CSNK1A1: variants seen among roughly 807,000 people sequenced by gnomAD.
CSNK1A1 encodes the protein casein kinase I isoform alpha.
CSNK1A1 carries 7 observed loss-of-function variants against 46.1 expected under a neutral mutation model. The ratio of observed to expected loss-of-function variants is 0.15; its 90% CI spans 0.09 to 0.29. CSNK1A1 has a LOEUF of 0.29. CSNK1A1 is among the 10% of genes least tolerant of loss of function. The pLI is 1.00. For missense variants in CSNK1A1, 96 were observed against 417.1 expected (o/e 0.23, Z 6.71); for synonymous variants, 137 against 141.5 (o/e 0.97, Z 0.23).
At chr5:149,499,967 CTTTTTTTTTTT>C (rs1162496799) in intron 9 of CSNK1A1, among the ~76,000 whole-genome samples, 20 of 77,698 alleles carry the variant, frequency 2.6e-4, no homozygotes, top group African/African-American at 8.1e-4. Context: ...TTCTTTTTTT[CTTTTTTTTTTT>C]TTTTTTTTGA....
intron 8 of CSNK1A1, 125 bp downstream of exon 8, chr5:149,506,902 T>C: frequency 4.2e-6 from 3 of 716,834 alleles, no homozygotes; most frequent in Non-Finnish European, 6.7e-6. Flanking sequence ...AATCAGTTTC[T>C]GAAACCTTTT....
chr5:149,521,778 G>C (rs1282348361), intron 3 of CSNK1A1, among the ~76,000 whole-genome samples: 1 of 151,774 alleles, frequency 6.6e-6, no homozygotes, highest in African/African-American at 2.4e-5. Flanking sequence ...CACATGCCTG[G>C]GTACTTTTTT....
At chr5:149,524,624 T>C (rs1761673723) in intron 3 of CSNK1A1, among the ~76,000 whole-genome samples, 3 of 152,166 alleles carry the variant, frequency 2.0e-5, no homozygotes, top group African/African-American at 7.2e-5. Context: ...TTATATTACT[T>C]CAGGACCTTT....
intron 2 of CSNK1A1, among the ~76,000 whole-genome samples, chr5:149,542,672 G>A (rs796529525): frequency 0.039 from 186 of 4,742 alleles, 17 homozygotes; most frequent in Middle Eastern, 0.14. Context: ...ATATATATAT[G>A]TATATATATA....
chr5:149,507,253 G>T, intron 7 of CSNK1A1, 120 bp from the exon 8 acceptor site: 1 of 700,710 alleles, frequency 1.4e-6, no homozygotes, highest in Non-Finnish European at 2.4e-6. Flanking sequence ...TTCATAGGAA[G>T]ATATGAGAGC....
At chr5:149,511,704 T>C (rs769613974) in intron 6 of CSNK1A1, 90 bp downstream of exon 6, 1 of 906,512 alleles carries the variant, frequency 1.1e-6, no homozygotes, top group Non-Finnish European at 1.7e-6. Context: ...AATCTCAGAC[T>C]TAGAAGGGAC....
chr5:149,507,006 T>G, intron 8 of CSNK1A1, 21 bp downstream of exon 8: 1 of 1,580,508 alleles, frequency 6.3e-7, no homozygotes, highest in South Asian at 1.1e-5. Flanking sequence ...TTTATAATCT[T>G]AAAATACCTT....
chr5:149,545,609 C>T, intron 2 of CSNK1A1: 2 of 841,816 alleles, frequency 2.4e-6, no homozygotes, highest in Admixed American at 1.8e-5. Flanking sequence ...GGCTTAACCT[C>T]CTTGGGCTTT....
intron 4 of CSNK1A1, among the ~76,000 whole-genome samples, chr5:149,519,767 A>G (rs1761512375): frequency 6.6e-6 from 1 of 152,208 alleles, no homozygotes; most frequent in South Asian, 2.1e-4. Context: ...CAGGCCCAAA[A>G]GTTACCCTTT....
At chr5:149,497,027 G>A in intron 9 of CSNK1A1, 167 bp from the exon 10 acceptor site, 2 of 1,426,834 alleles carry the variant, frequency 1.4e-6, no homozygotes, top group Non-Finnish European at 1.8e-6. Flanking sequence ...AGAAAAACAT[G>A]AATCTATACT....
chr5:149,517,589 A>T lies in CSNK1A1; in HGVS notation c.456+2701T>A, dbSNP rs368251857. Among the ~76,000 whole-genome samples the T allele has an allele frequency of 3.0e-4, 46 of 152,352 alleles. No individual in the cohort carries two copies. The highest frequency in any genetic ancestry group is 7.2e-4 in the African/African-American group (30 of 41,582). On this transcript the variant is annotated intron_variant, in intron 4 of 9. Transcript: ENST00000377843. The surrounding 1 kb of genome is among the most constrained non-coding windows in gnomAD (Gnocchi z 4.4). ...TTCATTTAGCTTTTTTCTAAACTTT[A>T]TAAGTTTTAAGCAAAAGCCACAAAG...
rs185875757 is a variant in CSNK1A1 at position 149,520,406 on chromosome 5, G to A, written c.358-18C>T. The A allele has an allele frequency of 3.7e-4, 529 of 1,420,014 alleles. 1 individual carries two copies. Among genetic ancestry groups the A allele is most frequent in the East Asian group, 3.2e-4 (14 of 43,806 alleles). 88.0% of individuals were successfully genotyped at this position (1,420,014 alleles called of 1,614,324 possible). On this transcript the variant is annotated intron_variant, in intron 3 of 9. Transcript: ENST00000377843. ...CTGATCATCTGGAAAAAAAAGAAGG[G>A]AGAGATAATTGAGTTAAGTAGTAAA...
chr5:149,528,138 G>A (rs1328331666), intron 2 of CSNK1A1, among the ~76,000 whole-genome samples: 1 of 152,106 alleles, frequency 6.6e-6, no homozygotes, highest in Admixed American at 6.5e-5. Flanking sequence ...AGAATTAGAT[G>A]AATTGAGAAG....
intron 3 of CSNK1A1, 114 bp from the exon 4 acceptor site, chr5:149,520,502 A>G (rs905308276): frequency 2.4e-4 from 148 of 621,608 alleles, no homozygotes; most frequent in Admixed American, 4.1e-4. Flanking sequence ...AGCGCTAAAG[A>G]AAATGAAATG....
intron 5 of CSNK1A1, among the ~76,000 whole-genome samples, chr5:149,512,533 G>A (rs1403217874): frequency 6.6e-6 from 1 of 152,080 alleles, no homozygotes; most frequent in Non-Finnish European, 1.5e-5. Context: ...AAAGGAACTC[G>A]AAACTCTAGA....
chr5:149,511,523 A>G (rs924014203), intron 6 of CSNK1A1, among the ~76,000 whole-genome samples: 7 of 152,198 alleles, frequency 4.6e-5, no homozygotes, highest in African/African-American at 1.7e-4. Context: ...TTCTTAGTCC[A>G]TGCCCACTTC....
At chr5:149,542,633 T>TATATATATAC (rs1762305614) in intron 2 of CSNK1A1, among the ~76,000 whole-genome samples, 1 of 12,178 alleles carries the variant, frequency 8.2e-5, no homozygotes, top group African/African-American at 6.1e-4. Context: ...TATATATATA[T>TATATATATAC]ATATATGTAT....
At chr5:149,503,793 T>C (rs1011417093) in intron 9 of CSNK1A1, 4 of 985,406 alleles carry the variant, frequency 4.1e-6, no homozygotes, top group Non-Finnish European at 4.8e-6. Context: ...ATAAGGTAAT[T>C]CTTTCTGAAA....
rs531376389 is a variant in CSNK1A1, at chr5:149,518,534, T to C, written c.456+1756A>G. ...TTTCAAACTACAATACAGAAAACAC[T>C]AAAAATCAACTACATAAACAAAACA... On this transcript the variant is annotated intron_variant, in intron 4 of 9. Transcript: ENST00000377843. 2.0e-5 allele frequency among the ~76,000 whole-genome samples: 3 copies of C among 152,078 alleles called. No individual in the cohort carries two copies. In the East Asian group the frequency reaches 5.8e-4, roughly 29 times the overall value.
Sources: gnomAD v4.1 joint callset for allele counts (sites outside exome capture counted in the v4.1 genomes callset) on GRCh38, gnomAD v4.1.1 for gene constraint, Gnocchi (gnomAD v3.1) non-coding constraint, MANE v1.5 for transcripts, NCBI Gene and HGNC (gene_info 2026-07-23, HGNC 2026-07-21) for gene names.